UBE2K: variants seen among roughly 807,000 people sequenced by gnomAD.
UBE2K encodes ubiquitin-conjugating enzyme E2 K.
In UBE2K, 6 loss-of-function variants were observed where a neutral mutation model predicts 30.0. The ratio of observed to expected loss-of-function variants is 0.20; its 90% confidence interval spans 0.11 to 0.39. The LOEUF (loss-of-function observed/expected upper bound fraction) is 0.39. Ranked by LOEUF, UBE2K falls within the 10% of genes least tolerant of loss-of-function variation. The pLI is 1.00. For missense variants in UBE2K, 61 were observed against 241.6 expected, an observed-to-expected ratio of 0.25 and a Z score of 4.96; for synonymous variants, 86 against 83.7, an observed-to-expected ratio of 1.03 and a Z score of -0.15.
intron 4 of UBE2K, among the ~76,000 whole-genome samples, chr4:39,768,714 G>A (rs896361935): frequency 2.0e-5 from 3 of 152,130 alleles, no homozygotes. Context: ...ACTCCATACT[G>A]TTTTTCCATA....
At chr4:39,714,531 TATATATATA>T (rs1718906680) in intron 1 of UBE2K, 3 of 31,330 alleles carry the variant, frequency 9.6e-5, no homozygotes, top group East Asian at 1.3e-3. Context: ...TATATATATA[TATATATATA>T]TATATATATA....
At chr4:39,774,412 C>T (rs1713152986) in intron 4 of UBE2K, among the ~76,000 whole-genome samples, 1 of 151,732 alleles carries the variant, frequency 6.6e-6, no homozygotes, top group Admixed American at 6.6e-5. Flanking sequence ...TCGAGACCAT[C>T]CTGGCTAACA....
At chr4:39,698,444 T>C (rs1027600868) in intron 1 of UBE2K, 54 bp downstream of exon 1, 1 of 1,540,624 alleles carries the variant, frequency 6.5e-7, no homozygotes, top group African/African-American at 1.4e-5. Flanking sequence ...GGGAGGGTCC[T>C]CCCAGCTGCG....
intron 1 of UBE2K, among the ~76,000 whole-genome samples, chr4:39,713,161 G>T (rs1425446913): frequency 6.6e-6 from 1 of 152,048 alleles, no homozygotes; most frequent in African/African-American, 2.4e-5. Context: ...ACCATGCCCG[G>T]CCATGTTTAC....
rs185575950 is a variant in UBE2K, at chr4:39,716,726, G to A, written c.63+18336G>A. ...ATATTTAAAAAATGAGGCCAGACAC[G>A]GTGGCTCACGCCTGTAATCCTAGCA... On this transcript the variant is annotated intron_variant, in intron 1 of 6. Coordinates refer to ENST00000261427, the MANE Select transcript of UBE2K (RefSeq NM_005339.5). Among the ~76,000 whole-genome samples the A allele has an allele frequency of 8.5e-5, 13 of 152,236 alleles. No individual in the cohort carries two copies. In the South Asian group the frequency reaches 1.2e-3, roughly 15 times the overall value.
intron 1 of UBE2K, among the ~76,000 whole-genome samples, chr4:39,707,878 C>G (rs1468949963): frequency 6.7e-6 from 1 of 148,656 alleles, no homozygotes; most frequent in African/African-American, 2.5e-5. Context: ...GGAGACAGTC[C>G]CAAAGGAATT....
At chr4:39,733,458 G>A (rs1257100880) in intron 1 of UBE2K, among the ~76,000 whole-genome samples, 2 of 149,898 alleles carry the variant, frequency 1.3e-5, no homozygotes, top group African/African-American at 4.9e-5. Flanking sequence ...TCAGTCTCCC[G>A]AGTAGCTGGG....
At chr4:39,773,033 C>T (rs1713014764) in intron 4 of UBE2K, among the ~76,000 whole-genome samples, 1 of 151,824 alleles carries the variant, frequency 6.6e-6, no homozygotes, top group African/African-American at 2.4e-5. Context: ...TATTGCTAGA[C>T]AGGTAGATAC....
chr4:39,730,593 C>A (rs1384694999), intron 1 of UBE2K, among the ~76,000 whole-genome samples: 1 of 151,716 alleles, frequency 6.6e-6, no homozygotes, highest in Non-Finnish European at 1.5e-5. Flanking sequence ...CATGGTGAAA[C>A]CCCATCTCTA....
chr4:39,709,893 A>G (rs1718576955), intron 1 of UBE2K, among the ~76,000 whole-genome samples: 1 of 152,076 alleles, frequency 6.6e-6, no homozygotes, highest in African/African-American at 2.4e-5. Flanking sequence ...AAACTAGACC[A>G]AAGAATCTAG....
rs1354761879 is a variant in UBE2K, at chr4:39,757,011, GTTT to G, written c.299+1276_299+1278del. On this transcript the variant is annotated intron_variant, in intron 4 of 6. Coordinates refer to ENST00000261427, the MANE Select transcript of UBE2K (RefSeq NM_005339.5). ...ATGTTTTTTTGGGTGTTTTTTTTTT[GTTT>G]TTTGTTTTTTGTTTTTTGTTTTTTT... 2.3e-3 allele frequency among the ~76,000 whole-genome samples: 174 copies of G among 76,788 alleles called. 1 individual carries two copies. Among genetic ancestry groups the G allele is most frequent in the African/African-American group, 4.4e-3 (84 of 18,880 alleles). 50.4% of individuals were successfully genotyped at this position (76,788 alleles called of 152,430 possible).
chr4:39,768,671 C>T (rs925330725), intron 4 of UBE2K, among the ~76,000 whole-genome samples: 5 of 152,082 alleles, frequency 3.3e-5, no homozygotes, highest in African/African-American at 9.7e-5. Flanking sequence ...CATGAACCAC[C>T]GTGCCTGGTC....
At chr4:39,748,183 T>C (rs1721076484) in intron 3 of UBE2K, among the ~76,000 whole-genome samples, 2 of 152,224 alleles carry the variant, frequency 1.3e-5, no homozygotes, top group African/African-American at 2.4e-5. Flanking sequence ...TGTAACTTCA[T>C]TTAATTTTTG....
intron 4 of UBE2K, among the ~76,000 whole-genome samples, chr4:39,767,874 C>CA (rs1712452773): frequency 6.6e-6 from 1 of 151,968 alleles, no homozygotes; most frequent in African/African-American, 2.4e-5. Flanking sequence ...TTAAAAATTA[C>CA]ATAAGATTTT....
chr4:39,751,446 G>A (rs28407484), intron 3 of UBE2K, among the ~76,000 whole-genome samples: 1 of 152,096 alleles, frequency 6.6e-6, no homozygotes, highest in Non-Finnish European at 1.5e-5. Flanking sequence ...GCTGAGGTGG[G>A]TGGATCACTT....
At chr4:39,702,315 C>T (rs896670706) in intron 1 of UBE2K, among the ~76,000 whole-genome samples, 2 of 137,100 alleles carry the variant, frequency 1.5e-5, no homozygotes, top group South Asian at 4.6e-4. Flanking sequence ...AGTGCAATGG[C>T]GCGATCTTGG....
chr4:39,699,428 G>C (rs1717885832), intron 1 of UBE2K, among the ~76,000 whole-genome samples: 1 of 152,036 alleles, frequency 6.6e-6, no homozygotes, highest in Admixed American at 6.6e-5. Flanking sequence ...GTTGCCTCCC[G>C]TTGCTCTTAA....
At chr4:39,775,885 C>A (rs927373505) in intron 5 of UBE2K, among the ~76,000 whole-genome samples, 9 of 151,924 alleles carry the variant, frequency 5.9e-5, no homozygotes, top group African/African-American at 1.9e-4. Flanking sequence ...CATAGCTGTT[C>A]TTTGTTAGTT....
intron 1 of UBE2K, among the ~76,000 whole-genome samples, chr4:39,709,900 C>G (rs1397895967): frequency 6.6e-6 from 1 of 152,056 alleles, no homozygotes; most frequent in Admixed American, 6.6e-5. Context: ...ACCAAAGAAT[C>G]TAGATTCTAA....
Sources: gnomAD v4.1 joint callset for allele counts (sites outside exome capture counted in the v4.1 genomes callset) on GRCh38, gnomAD v4.1.1 for gene constraint, MANE v1.5 for transcripts, NCBI Gene and HGNC (gene_info 2026-07-23, HGNC 2026-07-21) for gene names.